Variants in SYNPR observed in about 807,000 individuals in gnomAD.
The protein encoded by SYNPR is synaptoporin.
A neutral mutation model predicts 32.9 loss-of-function variants in SYNPR; 23 were observed. The ratio of observed to expected loss-of-function variants is 0.70; its 90% CI spans 0.50 to 0.99. The LOEUF (loss-of-function observed/expected upper bound fraction) is 0.99. Among genes scored for constraint, SYNPR ranks in the 50% least tolerant of loss-of-function variants. SYNPR has a pLI of 0.00. For missense variants in SYNPR, 318 were observed against 349.3 expected (o/e 0.91, Z 0.71); for synonymous variants, 146 against 135.9 (o/e 1.07, Z -0.52).
intron 4 of SYNPR, among the ~76,000 whole-genome samples, chr3:63,603,503 T>C (rs1338155219): frequency 6.6e-6 from 1 of 152,192 alleles, no homozygotes; most frequent in African/African-American, 2.4e-5. Context: ...CTCTTATTAC[T>C]TTGAAGTATG....
At chr3:63,585,889 G>A (rs1354529275) in intron 4 of SYNPR, among the ~76,000 whole-genome samples, 2 of 152,012 alleles carry the variant, frequency 1.3e-5, no homozygotes, top group Non-Finnish European at 2.9e-5. Flanking sequence ...TAACATAACT[G>A]AGCCTAGAAC....
chr3:63,359,185 G>A (rs2087625122), intron 2 of SYNPR, among the ~76,000 whole-genome samples: 1 of 152,106 alleles, frequency 6.6e-6, no homozygotes, highest in Non-Finnish European at 1.5e-5. Context: ...CCTCTTTCTA[G>A]GTAAGGACCT....
intron 2 of SYNPR, among the ~76,000 whole-genome samples, chr3:63,456,043 G>A (rs1700475731): frequency 6.6e-6 from 1 of 152,052 alleles, no homozygotes; most frequent in Non-Finnish European, 1.5e-5. Flanking sequence ...CATCTTAGAT[G>A]GATGGCAGCA....
chr3:63,490,764 G>A (rs1701244005), intron 3 of SYNPR, among the ~76,000 whole-genome samples: 1 of 151,898 alleles, frequency 6.6e-6, no homozygotes, highest in South Asian at 2.1e-4. Flanking sequence ...TGTTTTTTGG[G>A]TTGTTTTGTT....
chr3:63,479,446 G>GCGCACACACA (rs6147854), intron 2 of SYNPR, among the ~76,000 whole-genome samples: 6 of 135,742 alleles, frequency 4.4e-5, no homozygotes, highest in East Asian at 3.9e-4. Flanking sequence ...CCACACACAT[G>GCGCACACACA]CACACACACA....
chr3:63,513,123 G>C (rs932164203), intron 3 of SYNPR, among the ~76,000 whole-genome samples: 3 of 151,726 alleles, frequency 2.0e-5, no homozygotes, highest in African/African-American at 7.3e-5. Context: ...GATCATGAGG[G>C]GGCAGATAAA....
intron 1 of SYNPR, among the ~76,000 whole-genome samples, chr3:63,231,623 A>C (rs2086167472): frequency 6.6e-6 from 1 of 152,204 alleles, no homozygotes; most frequent in Admixed American, 6.5e-5. Flanking sequence ...CAGGGCTAGC[A>C]CCATTGCTGG....
intron 2 of SYNPR, among the ~76,000 whole-genome samples, chr3:63,423,241 T>A (rs559669193): frequency 6.6e-6 from 1 of 152,286 alleles, no homozygotes; most frequent in South Asian, 2.1e-4. Context: ...ATTTAAAGGA[T>A]TCAGAAGCAA....
chr3:63,538,527 C>A (rs1457466910), intron 3 of SYNPR, among the ~76,000 whole-genome samples: 1 of 151,834 alleles, frequency 6.6e-6, no homozygotes. Flanking sequence ...TATTTATCTG[C>A]CCCATTGATT....
chr3:63,331,703 T>C (rs1386510414), intron 2 of SYNPR, among the ~76,000 whole-genome samples: 1 of 152,156 alleles, frequency 6.6e-6, no homozygotes, highest in Non-Finnish European at 1.5e-5. Flanking sequence ...AGCAGCCCAG[T>C]AGTAAGAACC....
intron 2 of SYNPR, among the ~76,000 whole-genome samples, chr3:63,455,756 G>GGTGTGTGTGTGT (rs370244005): frequency 0.099 from 14,273 of 144,190 alleles, 1,213 homozygotes; most frequent in African/African-American, 0.23. Context: ...TCATGTTTGG[G>GGTGTGTGTGTGT]GTGTGTGTGT....
At chr3:63,593,266 G>A (rs1211697216) in intron 4 of SYNPR, among the ~76,000 whole-genome samples, 3 of 152,060 alleles carry the variant, frequency 2.0e-5, no homozygotes, top group Non-Finnish European at 4.4e-5. Flanking sequence ...TCTTTGAAAG[G>A]TCTGTGCTAG....
intron 3 of SYNPR, among the ~76,000 whole-genome samples, chr3:63,546,244 T>C (rs758976836): frequency 1.3e-5 from 2 of 152,148 alleles, no homozygotes; most frequent in African/African-American, 4.8e-5. Context: ...TGCAAGTCAC[T>C]GTAAGGGTTT....
At chr3:63,237,445 C>T (rs568348366) in intron 1 of SYNPR, among the ~76,000 whole-genome samples, 8 of 151,786 alleles carry the variant, frequency 5.3e-5, no homozygotes, top group African/African-American at 1.4e-4. Flanking sequence ...TTTTCATGTG[C>T]GTCAAGAGAA....
At chr3:63,276,607 T>C (rs548351671), upstream of SYNPR, among the ~76,000 whole-genome samples, 2 of 147,948 alleles carry the variant, frequency 1.4e-5, no homozygotes, top group African/African-American at 4.9e-5. Context: ...ACTAAGTAAT[T>C]GATAGTGTTA....
chr3:63,535,823 C>T (rs866502892), intron 3 of SYNPR, among the ~76,000 whole-genome samples: 1 of 151,698 alleles, frequency 6.6e-6, no homozygotes, highest in South Asian at 2.1e-4. Flanking sequence ...GCTAAAACTA[C>T]AGAACACTTA....
chr3:63,575,516 G>A (rs570279741), intron 4 of SYNPR, among the ~76,000 whole-genome samples: 6 of 152,274 alleles, frequency 3.9e-5, no homozygotes, highest in Non-Finnish European at 7.4e-5. Context: ...TCCCAGATAC[G>A]CTTCTCATGG....
intron 2 of SYNPR, among the ~76,000 whole-genome samples, chr3:63,353,044 G>A (rs62251366): frequency 0.17 from 26,520 of 152,074 alleles, 2,474 homozygotes; most frequent in Non-Finnish European, 0.19. Context: ...AATAATAATT[G>A]TATATATTAT....
At chr3:63,428,492 T>A (rs544765919) in intron 2 of SYNPR, among the ~76,000 whole-genome samples, 4 of 152,274 alleles carry the variant, frequency 2.6e-5, no homozygotes, top group African/African-American at 9.6e-5. Flanking sequence ...TATGTATGCA[T>A]GTTTTATCAA....
Sources: allele counts gnomAD v4.1 joint callset (sites outside exome capture counted in the v4.1 genomes callset), GRCh38; gene constraint gnomAD v4.1.1; transcripts MANE v1.5; gene names NCBI Gene and HGNC (gene_info 2026-07-23, HGNC 2026-07-21).